Variants in GCNT2 observed in about 807,000 individuals in gnomAD.
GCNT2 encodes the protein N-acetyllactosaminide beta-1,6-N-acetylglucosaminyl-transferase.
In GCNT2, 34 loss-of-function variants were observed where a neutral mutation model predicts 34.2. The observed-to-expected ratio is 1.00, with a 90% CI of 0.76 to 1.32. GCNT2 has a LOEUF of 1.32. GCNT2 is among the 40% of genes most tolerant of loss of function. The pLI is 0.00. For synonymous variants in GCNT2, 212 were observed against 188.0 expected (o/e 1.13, Z -1.04); for missense variants, 584 against 489.4 (o/e 1.19, Z -1.82).
chr6:10,597,751 CA>C (rs1234339101), intron 3 of GCNT2, among the ~76,000 whole-genome samples: 2 of 152,110 alleles, frequency 1.3e-5, no homozygotes, highest in East Asian at 3.9e-4. Flanking sequence ...CGTGAGCCAC[CA>C]CGCCTGGCCA....
chr6:10,575,063 A>G (rs1763742423), intron 3 of GCNT2: 2 of 585,570 alleles, frequency 3.4e-6, no homozygotes, highest in East Asian at 3.4e-5. Flanking sequence ...CCATGGTAAC[A>G]CTTGGGGGTG....
At position 10,615,947 on chromosome 6, in the gene GCNT2, A is replaced by AC. The variant is rs1467830342; in HGVS notation, c.926-5402dup. Among the ~76,000 whole-genome samples, 4 of 152,044 alleles carry AC rather than the reference A, an allele frequency of 2.6e-5. No homozygotes were observed. In the East Asian group the frequency reaches 7.7e-4, roughly 29 times the overall value. ...TGTTTATATCAGCAAGGTCTTTATGACCTGTATTTTGTGCTGACTCCTGTC... is the reference window on the plus strand; with the variant it reads ...TGTTTATATCAGCAAGGTCTTTATGACCCTGTATTTTGTGCTGACTCCTGTC... On this transcript the variant is annotated intron_variant, in intron 3 of 4. Transcript: ENST00000495262.
At chr6:10,536,989 C>T (rs1761793611) in intron 3 of GCNT2, among the ~76,000 whole-genome samples, 1 of 152,108 alleles carries the variant, frequency 6.6e-6, no homozygotes, top group African/African-American at 2.4e-5. Context: ...TGGTCTCGAA[C>T]TCCTGACCTG....
intron 3 of GCNT2, among the ~76,000 whole-genome samples, chr6:10,549,296 A>G (rs1762389373): frequency 6.6e-6 from 1 of 152,202 alleles, no homozygotes; most frequent in African/African-American, 2.4e-5. Flanking sequence ...GTTTGGCTCT[A>G]TTATGAATAT....
chr6:10,578,761 T>C (rs558790507), intron 3 of GCNT2, among the ~76,000 whole-genome samples: 15 of 152,268 alleles, frequency 9.9e-5, no homozygotes, highest in African/African-American at 3.6e-4. Context: ...CTTATATTCT[T>C]GTGGAGGAGA....
At chr6:10,542,918 T>TTA (rs1554127853) in intron 3 of GCNT2, among the ~76,000 whole-genome samples, 1 of 141,502 alleles carries the variant, frequency 7.1e-6, no homozygotes, top group African/African-American at 2.7e-5. Context: ...TTTTTTTTTT[T>TTA]AATTTTGAGA....
chr6:10,553,057 G>A (rs1762550449), intron 3 of GCNT2, among the ~76,000 whole-genome samples: 1 of 152,174 alleles, frequency 6.6e-6, no homozygotes, highest in South Asian at 2.1e-4. Flanking sequence ...GTCTAGTGTT[G>A]CTGCTCAAAC....
At position 10,528,874 on chromosome 6, in the gene GCNT2, C is replaced by G; in HGVS notation, c.-38C>G. 6.7e-7 allele frequency: 1 copy of G among 1,482,762 alleles called. No homozygotes were observed. The highest frequency in any genetic ancestry group is 9.4e-7 in the Non-Finnish European group (1 of 1,061,134). 91.9% of individuals were successfully genotyped at this position (1,482,762 alleles called of 1,614,324 possible). A position where few individuals can be genotyped will look rare whatever the true frequency, so the allele number is the denominator to read the frequency against. ...AAATATATCTACACTCTGATCCTAT[C>G]TCAAGAGAGAGATATTTTACTCATT... is the stretch of plus-strand genomic sequence containing the variant. On this transcript the variant is annotated 5_prime_UTR_variant, in exon 3 of 5. It adds an upstream start codon to the 5' untranslated region. Coordinates refer to ENST00000495262, the MANE Select transcript of GCNT2 (RefSeq NM_145649.5).
intron 3 of GCNT2, among the ~76,000 whole-genome samples, chr6:10,595,442 T>C (rs989527664): frequency 6.6e-6 from 1 of 152,056 alleles, no homozygotes. Context: ...CACACCCAGC[T>C]AATTTTTTGT....
chr6:10,574,629 G>A (rs1288757610), intron 3 of GCNT2: 22 of 232,354 alleles, frequency 9.5e-5, no homozygotes, highest in Non-Finnish European at 1.8e-4. Flanking sequence ...AGAGATCAGT[G>A]AACTATAGAC....
chr6:10,621,421 A>G lies in GCNT2; in HGVS notation c.996A>G (p.Glu332=). The change falls in exon 4 of 5, where the codon GAA becomes GAG. Residue 332 remains glutamate (E), a synonymous_variant. Transcript: ENST00000495262. ...GAGCTATAAAGTGGAGTGACATGGA[A>G]GACAGACACGGAGGCTGCCACGGTG... The part of the protein sequence containing the change: ...NLRAIKWSDM[E]DRHGGCHGHY... 6.2e-7 allele frequency: 1 copy of G among 1,612,850 alleles called. No homozygotes were observed. The highest frequency in any genetic ancestry group is 8.5e-7 in the Non-Finnish European group (1 of 1,178,894).
chr6:10,549,511 G>A (rs1481896932), intron 3 of GCNT2, among the ~76,000 whole-genome samples: 3 of 149,592 alleles, frequency 2.0e-5, no homozygotes, highest in African/African-American at 4.9e-5. Context: ...ATATCTTCAC[G>A]AATTGAATTG....
At chr6:10,574,828 G>T in intron 3 of GCNT2, 1 of 653,718 alleles carries the variant, frequency 1.5e-6, no homozygotes, top group Non-Finnish European at 2.9e-6. Flanking sequence ...TACTCTGGGT[G>T]GAGCAGGCTG....
intron 3 of GCNT2, among the ~76,000 whole-genome samples, chr6:10,601,958 A>G (rs1023097759): frequency 7.4e-6 from 1 of 136,036 alleles, no homozygotes; most frequent in Non-Finnish European, 1.6e-5. Context: ...AAAAAAAAAA[A>G]AACAAAAAAA....
intron 3 of GCNT2, among the ~76,000 whole-genome samples, chr6:10,553,121 GACAA>G (rs751282189): frequency 8.5e-5 from 13 of 152,298 alleles, no homozygotes; most frequent in Admixed American, 3.9e-4. Flanking sequence ...ATTGACAATA[GACAA>G]ACAAGTCTCA....
intron 3 of GCNT2, among the ~76,000 whole-genome samples, chr6:10,538,408 C>CAAAA (rs70991023): frequency 1.0e-3 from 42 of 40,172 alleles, no homozygotes; most frequent in Non-Finnish European, 1.3e-3. Flanking sequence ...GACTCCGTCT[C>CAAAA]AAAAAAAAAA....
intron 3 of GCNT2, among the ~76,000 whole-genome samples, chr6:10,569,878 T>TTC (rs1561807436): frequency 2.1e-5 from 3 of 144,556 alleles, no homozygotes; most frequent in African/African-American, 8.5e-5. Flanking sequence ...TCTTTCTTTC[T>TTC]CTTTCTTTTT....
chr6:10,529,688 G>A lies in GCNT2; in HGVS notation c.777G>A (p.Val259=). The A allele has an allele frequency of 6.2e-7, 1 of 1,614,040 alleles. No homozygotes were observed. Among genetic ancestry groups the A allele is most frequent in the Non-Finnish European group, 8.5e-7 (1 of 1,180,010 alleles). The change falls in exon 3 of 5, where the codon GTG becomes GTA. Residue 259 remains valine (V), a synonymous_variant. Coordinates refer to ENST00000495262, the MANE Select transcript of GCNT2 (RefSeq NM_145649.5). ...AAACTCCTCCTCCTCATGACATGGT[G>A]ATTTACTTTGGCACGGCCTACGTGG... ...KLKTPPPHDM[V]IYFGTAYVAL...
intron 3 of GCNT2, among the ~76,000 whole-genome samples, chr6:10,570,990 A>G (rs1763530286): frequency 6.6e-6 from 1 of 152,232 alleles, no homozygotes; most frequent in African/African-American, 2.4e-5. Flanking sequence ...GTTTTCCCAT[A>G]AAAACAGCCT....
Sources: allele counts gnomAD v4.1 joint callset (sites outside exome capture counted in the v4.1 genomes callset), GRCh38; gene constraint gnomAD v4.1.1; transcripts MANE v1.5; gene names NCBI Gene and HGNC (gene_info 2026-07-23, HGNC 2026-07-21).